The following FUT9 variants were observed in gnomAD, a reference collection of about 807,000 sequenced individuals.
FUT9 encodes fucosyltransferase 9, also known as 4-galactosyl-N-acetylglucosaminide 3-alpha-L-fucosyltransferase 9.
FUT9 carries 15 observed loss-of-function variants against 29.7 expected under a neutral mutation model. That is an observed-to-expected ratio of 0.51 (90% CI 0.34 to 0.78). The LOEUF (loss-of-function observed/expected upper bound fraction) is 0.78, where lower values mean the gene tolerates loss of function less well. Ranked by LOEUF, FUT9 falls within the 30% of genes least tolerant of loss-of-function variation. FUT9 has a pLI of 0.01. For missense variants in FUT9, 319 were observed against 425.4 expected (o/e 0.75, Z 2.20); for synonymous variants, 169 against 153.7 (o/e 1.10, Z -0.74).
At chr6:96,087,231 A>G (rs1016719062) in intron 1 of FUT9, among the ~76,000 whole-genome samples, 1 of 152,060 alleles carries the variant, frequency 6.6e-6, no homozygotes, top group Non-Finnish European at 1.5e-5. Context: ...TATTACCTAA[A>G]GTTATTTGTT....
chr6:96,110,654 T>C (rs906780283), intron 1 of FUT9, among the ~76,000 whole-genome samples: 3 of 148,372 alleles, frequency 2.0e-5, no homozygotes, highest in Non-Finnish European at 3.0e-5. Flanking sequence ...AAAGAATGCC[T>C]GAAGGCTTTT....
At chr6:96,186,156 A>T (rs1292762811) in intron 2 of FUT9, among the ~76,000 whole-genome samples, 2 of 152,002 alleles carry the variant, frequency 1.3e-5, no homozygotes, top group African/African-American at 4.8e-5. Flanking sequence ...CTTTTCTCAT[A>T]ATCTATACTT....
intron 1 of FUT9, among the ~76,000 whole-genome samples, chr6:96,102,010 G>A (rs866885964): frequency 2.6e-5 from 4 of 151,974 alleles, no homozygotes; most frequent in Non-Finnish European, 4.4e-5. Flanking sequence ...ATGTATGCAC[G>A]TGTGTGTAAA....
At chr6:96,169,257 A>G (rs1041718197) in intron 2 of FUT9, among the ~76,000 whole-genome samples, 2 of 152,240 alleles carry the variant, frequency 1.3e-5, no homozygotes, top group Non-Finnish European at 2.9e-5. Flanking sequence ...TCTAACTTCA[A>G]AGTAAGCTGG....
intron 2 of FUT9, among the ~76,000 whole-genome samples, chr6:96,125,072 T>C (rs1318576811): frequency 6.6e-6 from 1 of 152,180 alleles, no homozygotes; most frequent in East Asian, 1.9e-4. Context: ...ATGAGTAATT[T>C]AAGCTATAGG....
Position 96,168,370 on chromosome 6 carries a change from C to T in FUT9, c.-8-34778C>T, listed in dbSNP as rs115189597. On this transcript the variant is annotated intron_variant, in intron 2 of 2. Transcript: ENST00000302103. ...GTACTAAGGTCTGGGACACCTGAAC[C>T]TTGACTGATAAAGAAGAATGGGAGT... Among the ~76,000 whole-genome samples, 1,428 of 152,134 alleles carry T rather than the reference C, an allele frequency of 9.4e-3. 23 individuals are homozygous for T. Among genetic ancestry groups the T allele is most frequent in the African/African-American group, 0.033 (1,370 of 41,490 alleles).
At chr6:96,060,535 C>T (rs1378247807) in intron 1 of FUT9, among the ~76,000 whole-genome samples, 1 of 150,078 alleles carries the variant, frequency 6.7e-6, no homozygotes, top group Non-Finnish European at 1.5e-5. Flanking sequence ...TTTTTCTTTT[C>T]TCTCTCTCTT....
chr6:96,124,858 T>C (rs1772104145), intron 2 of FUT9, among the ~76,000 whole-genome samples: 1 of 152,210 alleles, frequency 6.6e-6, no homozygotes, highest in Non-Finnish European at 1.5e-5. Context: ...TTTTGAAAAA[T>C]GTGTTAGTGA....
intron 1 of FUT9, among the ~76,000 whole-genome samples, chr6:96,079,707 C>G (rs575703991): frequency 6.6e-6 from 1 of 152,014 alleles, no homozygotes; most frequent in Non-Finnish European, 1.5e-5. Flanking sequence ...TAAAAAACAT[C>G]ACCTCCATCA....
At chr6:96,053,954 T>C (rs1235270378) in intron 1 of FUT9, among the ~76,000 whole-genome samples, 1 of 151,878 alleles carries the variant, frequency 6.6e-6, no homozygotes, top group East Asian at 1.9e-4. Flanking sequence ...AGATATAAAA[T>C]AAATAAATCA....
intron 2 of FUT9, among the ~76,000 whole-genome samples, chr6:96,138,551 A>C (rs1051167769): frequency 6.6e-6 from 1 of 151,900 alleles, no homozygotes; most frequent in Non-Finnish European, 1.5e-5. Context: ...TTCTTCATGC[A>C]AAAAAGAGAG....
intron 1 of FUT9, among the ~76,000 whole-genome samples, chr6:96,109,201 C>T (rs1215545283): frequency 6.6e-6 from 1 of 152,134 alleles, no homozygotes; most frequent in Admixed American, 6.6e-5. Flanking sequence ...AAGAAGCTTG[C>T]TTCTATTAAT....
intron 1 of FUT9, among the ~76,000 whole-genome samples, chr6:96,061,865 C>T (rs1474776026): frequency 6.6e-6 from 1 of 152,168 alleles, no homozygotes; most frequent in East Asian, 1.9e-4. Context: ...TCCCAGAGTA[C>T]TTCTTTCCTG....
intron 1 of FUT9, among the ~76,000 whole-genome samples, chr6:96,043,212 C>A (rs1011106403): frequency 1.3e-5 from 2 of 152,058 alleles, no homozygotes; most frequent in Non-Finnish European, 2.9e-5. Flanking sequence ...CCACCACGCC[C>A]GGCTAATTTT....
intron 1 of FUT9, among the ~76,000 whole-genome samples, chr6:96,021,894 C>T (rs1770075601): frequency 1.3e-5 from 2 of 151,934 alleles, no homozygotes; most frequent in East Asian, 1.9e-4. Context: ...GTAGGAATAG[C>T]TTACGCCCAT....
chr6:96,063,043 C>T (rs1770903673), intron 1 of FUT9, among the ~76,000 whole-genome samples: 1 of 152,206 alleles, frequency 6.6e-6, no homozygotes, highest in East Asian at 1.9e-4. Flanking sequence ...AATGACTAAA[C>T]CTCCTCGTAA....
At chr6:96,184,845 T>G (rs1345603181) in intron 2 of FUT9, among the ~76,000 whole-genome samples, 1 of 152,112 alleles carries the variant, frequency 6.6e-6, no homozygotes, top group Admixed American at 6.6e-5. Flanking sequence ...CTTAAGATTG[T>G]TGTATAGCTT....
chr6:96,092,276 A>C (rs760617761), intron 1 of FUT9, among the ~76,000 whole-genome samples: 2 of 152,284 alleles, frequency 1.3e-5, no homozygotes, highest in Non-Finnish European at 2.9e-5. Flanking sequence ...GAAACATAAT[A>C]CTGAGTGCAC....
At chr6:96,062,141 T>C (rs1402466030) in intron 1 of FUT9, among the ~76,000 whole-genome samples, 2 of 152,116 alleles carry the variant, frequency 1.3e-5, no homozygotes, top group Non-Finnish European at 2.9e-5. Flanking sequence ...TATACCTATG[T>C]AGCAAACCTG....
Sources: gnomAD v4.1 joint callset for allele counts (sites outside exome capture counted in the v4.1 genomes callset) on GRCh38, gnomAD v4.1.1 for gene constraint, MANE v1.5 for transcripts, NCBI Gene and HGNC (gene_info 2026-07-23, HGNC 2026-07-21) for gene names.